CKAP5: variants seen among roughly 807,000 people sequenced by gnomAD.
The protein encoded by CKAP5 is cytoskeleton associated protein 5.
In CKAP5, 27 loss-of-function variants were observed where a neutral mutation model predicts 232.8. The observed-to-expected ratio is 0.12, with a 90% CI of 0.09 to 0.16. The LOEUF is 0.16. Ranked by LOEUF, CKAP5 falls within the 10% of genes least tolerant of loss-of-function variation. CKAP5 has a pLI of 1.00. For synonymous variants in CKAP5, 785 were observed against 841.1 expected, an observed-to-expected ratio of 0.93 and a Z score of 1.16; for missense variants, 1,838 against 2,424.7, an observed-to-expected ratio of 0.76 and a Z score of 5.08.
intron 1 of CKAP5, among the ~76,000 whole-genome samples, chr11:46,837,518 G>A (rs1939943875): frequency 6.6e-6 from 1 of 152,174 alleles, no homozygotes; most frequent in African/African-American, 2.4e-5. Flanking sequence ...AGAACACTCA[G>A]TACCCAGGTC....
intron 28 of CKAP5, among the ~76,000 whole-genome samples, chr11:46,763,904 T>C (rs753657509): frequency 1.3e-5 from 2 of 152,182 alleles, no homozygotes; most frequent in Non-Finnish European, 1.5e-5. Flanking sequence ...GGCATGATCA[T>C]AGATCACTGT....
At chr11:46,813,039 C>A (rs147247150) in intron 4 of CKAP5, among the ~76,000 whole-genome samples, 2 of 152,052 alleles carry the variant, frequency 1.3e-5, no homozygotes, top group African/African-American at 4.8e-5. Flanking sequence ...AGCAGCCTCA[C>A]CCCCTGGGCT....
At chr11:46,765,059 T>G (rs1025798373) in intron 28 of CKAP5, 72 bp downstream of exon 28, 1 of 1,425,506 alleles carries the variant, frequency 7.0e-7, no homozygotes, top group African/African-American at 1.4e-5. Flanking sequence ...ATAACATGAA[T>G]TCAGACAGCA....
intron 9 of CKAP5, among the ~76,000 whole-genome samples, chr11:46,799,969 C>T (rs970036211): frequency 2.6e-5 from 4 of 151,738 alleles, no homozygotes; most frequent in African/African-American, 7.3e-5. Context: ...CCACTGCACT[C>T]CAGCCTGGGT....
At chr11:46,841,131 G>A (rs1453578233) in intron 1 of CKAP5, among the ~76,000 whole-genome samples, 2 of 152,134 alleles carry the variant, frequency 1.3e-5, no homozygotes, top group African/African-American at 2.4e-5. Context: ...TTAGATGGGT[G>A]TTGTGGTGGG....
At chr11:46,810,493 G>A (rs1008636008) in intron 5 of CKAP5, among the ~76,000 whole-genome samples, 1 of 151,862 alleles carries the variant, frequency 6.6e-6, no homozygotes. Flanking sequence ...TTTATTATTT[G>A]TAGAGATAGG....
At chr11:46,814,431 T>G (rs571824752) in intron 4 of CKAP5, among the ~76,000 whole-genome samples, 1 of 152,286 alleles carries the variant, frequency 6.6e-6, no homozygotes, top group East Asian at 1.9e-4. Flanking sequence ...TCAAAGATCA[T>G]TCAACAAAAT....
At chr11:46,772,764 C>T (rs1005136262) in intron 24 of CKAP5, among the ~76,000 whole-genome samples, 3 of 150,034 alleles carry the variant, frequency 2.0e-5, no homozygotes, top group East Asian at 2.0e-4. Flanking sequence ...GTTTTTGAGA[C>T]GGAGTCTTGC....
In CKAP5 at chr11:46,759,222, C is replaced by G; in HGVS notation, c.4568+47G>C. ...AAAGGGCACATTTCACGTAGGCCGT[C>G]TGATCATCATGAACTGCTCATATTT... On this transcript the variant is annotated intron_variant, in intron 34 of 43. Transcript: ENST00000529230. 11 of 1,569,188 alleles carry G rather than the reference C, an allele frequency of 7.0e-6. 1 individual carries two copies. The African/African-American group carries it at 9.5e-5, about 14-fold the overall frequency.
chr11:46,799,290 G>A (rs755905910), intron 9 of CKAP5, among the ~76,000 whole-genome samples: 2 of 152,012 alleles, frequency 1.3e-5, no homozygotes, highest in Admixed American at 1.3e-4. Context: ...AAGGTCCAAA[G>A]GACACAGCAA....
At chr11:46,818,603 C>T (rs780073469) in intron 2 of CKAP5, 100 bp from the exon 3 acceptor site, 9 of 864,800 alleles carry the variant, frequency 1.0e-5, no homozygotes, top group Non-Finnish European at 1.5e-5. Context: ...AATGAATATC[C>T]TATGTCAGGT....
chr11:46,808,798 G>A (rs938868018), intron 7 of CKAP5, among the ~76,000 whole-genome samples: 3 of 152,088 alleles, frequency 2.0e-5, no homozygotes, highest in Non-Finnish European at 4.4e-5. Context: ...TACAGGAGAG[G>A]AATTTCTACA....
At chr11:46,770,551 C>T (rs2065238855) in intron 25 of CKAP5, among the ~76,000 whole-genome samples, 1 of 152,154 alleles carries the variant, frequency 6.6e-6, no homozygotes, top group African/African-American at 2.4e-5. Context: ...CCTGCCTCAC[C>T]CTCCCAAGTA....
chr11:46,826,936 T>G (rs1354365798), intron 1 of CKAP5: 1 of 152,982 alleles, frequency 6.5e-6, no homozygotes, highest in Admixed American at 6.6e-5. Context: ...CACCCTCAGC[T>G]CCCCTCTCCG....
At chr11:46,794,308 T>TAA (rs1442359640) in intron 13 of CKAP5, among the ~76,000 whole-genome samples, 1 of 151,392 alleles carries the variant, frequency 6.6e-6, no homozygotes, top group Non-Finnish European at 1.5e-5. Context: ...TATTAAAAAA[T>TAA]AAAAAATCAG....
chr11:46,784,789 A>G (rs558922944), intron 16 of CKAP5, 116 bp from the exon 17 acceptor site: 144 of 660,312 alleles, frequency 2.2e-4, no homozygotes, highest in Non-Finnish European at 3.2e-4. Flanking sequence ...AAACACAACT[A>G]AAGTAAAATC....
In CKAP5 at chr11:46,743,827, C is replaced by A; in HGVS notation, c.*196G>T. The stretch of plus-strand genomic sequence containing the variant: ...ACTAAACTCATCCACGGACAGTCTT[C>A]TAGAGCAGCAGGACGCTGACAGAGA... On this transcript the variant is annotated 3_prime_UTR_variant, in exon 44 of 44. Transcript: ENST00000529230. 1.5e-6 allele frequency: 1 copy of A among 657,792 alleles called. No individual in the cohort carries two copies. Among genetic ancestry groups the A allele is most frequent in the Non-Finnish European group, 2.6e-6 (1 of 391,068 alleles). The allele number at this position is 657,792 out of a possible 1,614,324, so 40.7% of individuals were successfully genotyped here. A position where few individuals can be genotyped will look rare whatever the true frequency, so the allele number is the denominator to read the frequency against.
intron 1 of CKAP5, among the ~76,000 whole-genome samples, chr11:46,829,519 A>G (rs1939728159): frequency 6.6e-6 from 1 of 152,198 alleles, no homozygotes; most frequent in Non-Finnish European, 1.5e-5. Flanking sequence ...TGAACGATGG[A>G]GCGAGAAAAA....
At chr11:46,763,348 A>G in intron 29 of CKAP5, 133 bp downstream of exon 29, 2 of 990,496 alleles carry the variant, frequency 2.0e-6, no homozygotes, top group Non-Finnish European at 2.9e-6. Context: ...ATTCTACCAA[A>G]TAACAAGACA....
Sources: gnomAD v4.1 joint callset for allele counts (sites outside exome capture counted in the v4.1 genomes callset) on GRCh38, gnomAD v4.1.1 for gene constraint, MANE v1.5 for transcripts, NCBI Gene and HGNC (gene_info 2026-07-23, HGNC 2026-07-21) for gene names.